GLRA3: variants seen among roughly 807,000 people sequenced by gnomAD.
GLRA3 encodes glycine receptor alpha 3, also known as glycine receptor subunit alpha-3.
Under a neutral mutation model 60.4 loss-of-function variants are expected in GLRA3, and 44 were observed. The ratio of observed to expected loss-of-function variants is 0.73; its 90% CI spans 0.57 to 0.94. GLRA3 has a LOEUF of 0.94. Ranked by LOEUF, GLRA3 falls within the 40% of genes least tolerant of loss-of-function variation. GLRA3 has a pLI of 0.00. For missense variants in GLRA3, 508 were observed against 564.6 expected, an observed-to-expected ratio of 0.90 and a Z score of 1.02; for synonymous variants, 223 against 192.9, an observed-to-expected ratio of 1.16 and a Z score of -1.29.
rs999971793 is a variant in GLRA3 at position 174,718,048 on chromosome 4, T to C, written c.492-2478A>G. ...GAGACATTACATAATTCTAAAAAAA[T>C]AGCACTTGAAAGGAATTATTTGGCA... On this transcript the variant is annotated intron_variant, in intron 4 of 9. Coordinates refer to ENST00000274093, the MANE Select transcript of GLRA3 (RefSeq NM_006529.4). Among the ~76,000 whole-genome samples the C allele has an allele frequency of 2.6e-5, 4 of 152,310 alleles. No individual in the cohort carries two copies. The Middle Eastern group carries it at 0.014, about 518-fold the overall frequency.
intron 9 of GLRA3, among the ~76,000 whole-genome samples, chr4:174,646,335 T>C (rs761627272): frequency 1.9e-4 from 29 of 152,240 alleles, no homozygotes; most frequent in Admixed American, 8.5e-4. Flanking sequence ...CGAATTTTTC[T>C]CAATTGTATC....
intron 9 of GLRA3, among the ~76,000 whole-genome samples, chr4:174,652,084 T>C (rs559892868): frequency 6.6e-6 from 1 of 152,228 alleles, no homozygotes; most frequent in Non-Finnish European, 1.5e-5. Context: ...AGCTTATTAT[T>C]ATTATTAGAT....
intron 9 of GLRA3, among the ~76,000 whole-genome samples, chr4:174,650,497 T>G (rs1732987354): frequency 6.6e-6 from 1 of 152,164 alleles, no homozygotes; most frequent in Non-Finnish European, 1.5e-5. Flanking sequence ...TCTGACACTG[T>G]CAGCAGGTAT....
At chr4:174,820,573 T>G (rs1203328587) in intron 1 of GLRA3, among the ~76,000 whole-genome samples, 1 of 152,156 alleles carries the variant, frequency 6.6e-6, no homozygotes, top group Non-Finnish European at 1.5e-5. Flanking sequence ...CATCCTCACC[T>G]AGACTTTAGG....
chr4:174,667,756 G>A (rs1043424502), intron 7 of GLRA3, among the ~76,000 whole-genome samples: 3 of 152,064 alleles, frequency 2.0e-5, no homozygotes, highest in Non-Finnish European at 4.4e-5. Context: ...TTCTAAGCAC[G>A]GAATGCTCAT....
chr4:174,753,855 G>A (rs947394417), intron 3 of GLRA3, among the ~76,000 whole-genome samples: 3 of 152,016 alleles, frequency 2.0e-5, no homozygotes, highest in South Asian at 4.2e-4. Flanking sequence ...CCTTAAAAAT[G>A]CAATTTTTAA....
intron 2 of GLRA3, among the ~76,000 whole-genome samples, chr4:174,777,493 C>T (rs1738645957): frequency 6.6e-6 from 1 of 152,040 alleles, no homozygotes; most frequent in Non-Finnish European, 1.5e-5. Context: ...AAAGGCAAAA[C>T]TCTAGAGACA....
chr4:174,824,905 G>A (rs1006982888), intron 1 of GLRA3, among the ~76,000 whole-genome samples: 6 of 152,122 alleles, frequency 3.9e-5, no homozygotes, highest in African/African-American at 1.4e-4. Flanking sequence ...CACAATTTGT[G>A]CACAGAATTT....
intron 1 of GLRA3, among the ~76,000 whole-genome samples, chr4:174,809,191 C>T (rs887554656): frequency 6.6e-6 from 1 of 152,136 alleles, no homozygotes; most frequent in African/African-American, 2.4e-5. Flanking sequence ...CATATGTATA[C>T]AATTGTGTTA....
intron 3 of GLRA3, among the ~76,000 whole-genome samples, chr4:174,739,222 G>A (rs1412760295): frequency 7.9e-5 from 12 of 152,144 alleles, no homozygotes; most frequent in Admixed American, 7.9e-4. Flanking sequence ...TAGGTTGCAA[G>A]GATTTGAAGA....
At chr4:174,725,169 T>A (rs1006677428) in intron 4 of GLRA3, among the ~76,000 whole-genome samples, 1 of 152,222 alleles carries the variant, frequency 6.6e-6, no homozygotes, top group Non-Finnish European at 1.5e-5. Context: ...ATCTCACAGA[T>A]CCCTGAGGCT....
rs185070367 is a variant in GLRA3 at position 174,699,659 on chromosome 4, A to G, written c.574+15829T>C. 3.3e-3 allele frequency among the ~76,000 whole-genome samples: 509 copies of G among 152,222 alleles called. 1 individual carries two copies. Among genetic ancestry groups the G allele is most frequent in the Non-Finnish European group, 5.5e-3 (375 of 68,010 alleles). On this transcript the variant is annotated intron_variant, in intron 5 of 9. Transcript: ENST00000274093. ...CTTTTGGATGGAAGGATCACTTAAG[A>G]AGTATTTAAGGCATATTAGTTGAAG...
At chr4:174,688,317 TCATATATA>T (rs1464007714) in intron 5 of GLRA3, among the ~76,000 whole-genome samples, 4,006 of 71,202 alleles carry the variant, frequency 0.056, 553 homozygotes, top group Admixed American at 0.12. Flanking sequence ...TTACCTGACA[TCATATATA>T]TATATATATA....
intron 9 of GLRA3, among the ~76,000 whole-genome samples, chr4:174,650,770 G>C (rs191248273): frequency 1.2e-3 from 177 of 152,286 alleles, no homozygotes; most frequent in African/African-American, 4.0e-3. Flanking sequence ...GCCAATGATG[G>C]ACCCTGCAGC....
At chr4:174,749,427 T>A (rs1737376338) in intron 3 of GLRA3, among the ~76,000 whole-genome samples, 2 of 152,124 alleles carry the variant, frequency 1.3e-5, no homozygotes, top group African/African-American at 2.4e-5. Flanking sequence ...GTTGGCCTAT[T>A]TGTGTTTGAA....
chr4:174,742,193 T>C (rs1737055812), intron 3 of GLRA3, among the ~76,000 whole-genome samples: 2 of 152,182 alleles, frequency 1.3e-5, no homozygotes, highest in Admixed American at 6.5e-5. Flanking sequence ...GAATCTGTAG[T>C]TCAATATTTA....
intron 5 of GLRA3, among the ~76,000 whole-genome samples, chr4:174,694,577 G>C (rs1341672574): frequency 6.6e-6 from 1 of 152,132 alleles, no homozygotes; most frequent in Non-Finnish European, 1.5e-5. Flanking sequence ...CTGGGACACA[G>C]CTAAGGCAGT....
chr4:174,821,562 G>T (rs933522640), intron 1 of GLRA3, among the ~76,000 whole-genome samples: 4 of 152,116 alleles, frequency 2.6e-5, no homozygotes, highest in South Asian at 2.1e-4. Flanking sequence ...TAAATATATA[G>T]AGAGAGTACA....
chr4:174,707,787 C>A (rs1735569852), intron 5 of GLRA3, among the ~76,000 whole-genome samples: 1 of 152,156 alleles, frequency 6.6e-6, no homozygotes, highest in South Asian at 2.1e-4. Flanking sequence ...ATATCGTTTT[C>A]TCTGTCCACT....
Sources: allele counts gnomAD v4.1 joint callset (sites outside exome capture counted in the v4.1 genomes callset), GRCh38; gene constraint gnomAD v4.1.1; transcripts MANE v1.5; gene names NCBI Gene and HGNC (gene_info 2026-07-23, HGNC 2026-07-21).